The following VWA8 variants were observed in gnomAD, a reference collection of about 807,000 sequenced individuals.
The protein encoded by VWA8 is von Willebrand factor A domain containing 8.
VWA8 carries 221 observed loss-of-function variants against 241.5 expected under a neutral mutation model. The observed-to-expected ratio is 0.91, with a 90% CI of 0.82 to 1.02. The LOEUF (loss-of-function observed/expected upper bound fraction) is 1.02, where lower values mean the gene tolerates loss of function less well. VWA8 is among the 50% of genes least tolerant of loss of function. The probability of loss-of-function intolerance (pLI) is 0.00; values close to 1 mark genes in which losing one functional copy is unlikely to be tolerated. For missense variants in VWA8, 2,322 were observed against 2,328.7 expected, an observed-to-expected ratio of 1.00 and a Z score of 0.06; for synonymous variants, 852 against 827.1, an observed-to-expected ratio of 1.03 and a Z score of -0.52.
At chr13:41,725,432 T>C (rs530253345) in intron 24 of VWA8, among the ~76,000 whole-genome samples, 2 of 152,204 alleles carry the variant, frequency 1.3e-5, no homozygotes, top group Admixed American at 1.3e-4. Context: ...TCGTAGAAAC[T>C]AGCCATGAAT....
rs564927328 is a variant in VWA8 at position 41,583,592 on chromosome 13, G to A, written c.5271+3920C>T. On this transcript the variant is annotated intron_variant, in intron 42 of 44. Coordinates refer to ENST00000379310, the MANE Select transcript of VWA8 (RefSeq NM_015058.2). ...TGGGAGGCGGAGGCTGCAGTGAGCC[G>A]AGATCACGCCACTGCACTCCAGCCT... Among the ~76,000 whole-genome samples, 4 of 144,946 alleles carry A rather than the reference G, an allele frequency of 2.8e-5. No homozygotes were observed. In the East Asian group the frequency reaches 8.1e-4, roughly 29 times the overall value.
chr13:41,921,362 C>G (rs1041153815), intron 2 of VWA8, among the ~76,000 whole-genome samples: 11 of 152,204 alleles, frequency 7.2e-5, no homozygotes, highest in African/African-American at 2.7e-4. Flanking sequence ...GAAGCATTCC[C>G]TTTGAAAACT....
intron 40 of VWA8, among the ~76,000 whole-genome samples, chr13:41,601,131 C>T (rs923740299): frequency 1.3e-5 from 2 of 152,086 alleles, no homozygotes; most frequent in African/African-American, 4.8e-5. Flanking sequence ...ACTTGTGTGT[C>T]CCTCAAGACT....
In VWA8 at chr13:41,778,035, T is replaced by C. The variant is rs78259398; in HGVS notation, c.2299A>G (p.Met767Val). 4.1e-3 allele frequency: 6,574 copies of C among 1,612,278 alleles called. 17 individuals carry two copies. The highest frequency in any genetic ancestry group is 4.7e-3 in the Non-Finnish European group (5,592 of 1,179,356). ...NIQHVIVMED[M>V]LKDFLLGEHL... is the part of the protein sequence containing the mutation. ...TCTCCAAGGAGAAAGTCTTTCAGCATATCTTCCATCACTATCACATGCTAG... is the reference window on the plus strand; with the variant it reads ...TCTCCAAGGAGAAAGTCTTTCAGCACATCTTCCATCACTATCACATGCTAG... Residue 767 changes from methionine to valine, a missense_variant, in exon 20 of 45, where the codon ATG (methionine) becomes GTG (valine). Transcript: ENST00000379310.
At chr13:41,778,832 CT>C (rs71096543) in intron 19 of VWA8, among the ~76,000 whole-genome samples, 11,103 of 82,742 alleles carry the variant, frequency 0.13, 1,126 homozygotes, top group South Asian at 0.32. Flanking sequence ...CAGTACGTCA[CT>C]TTTTTTTTTT....
At chr13:41,715,199 A>G (rs1309870151) in intron 26 of VWA8, among the ~76,000 whole-genome samples, 1 of 151,996 alleles carries the variant, frequency 6.6e-6, no homozygotes, top group Non-Finnish European at 1.5e-5. Context: ...GTACGTAGTT[A>G]TCTATAAATG....
intron 14 of VWA8, among the ~76,000 whole-genome samples, chr13:41,820,808 G>A (rs1378503199): frequency 6.6e-6 from 1 of 152,192 alleles, no homozygotes; most frequent in Non-Finnish European, 1.5e-5. Flanking sequence ...AAGCCAAAGA[G>A]GGAGGTTATT....
intron 14 of VWA8, among the ~76,000 whole-genome samples, chr13:41,825,577 T>C (rs1321555479): frequency 6.6e-6 from 1 of 152,064 alleles, no homozygotes; most frequent in Non-Finnish European, 1.5e-5. Flanking sequence ...GCATCGACCA[T>C]CCCCAGCCTC....
intron 12 of VWA8, among the ~76,000 whole-genome samples, chr13:41,847,422 T>C (rs1182815041): frequency 2.0e-5 from 3 of 152,226 alleles, no homozygotes; most frequent in African/African-American, 7.2e-5. Context: ...TCCAGTCTGA[T>C]GACACAGCCT....
chr13:41,926,190 C>G (rs1593875153), intron 2 of VWA8: 2 of 668,326 alleles, frequency 3.0e-6, no homozygotes, highest in Non-Finnish European at 5.4e-6. Context: ...GAGCATCATT[C>G]CTTATGAGAT....
chr13:41,774,009 G>A (rs373071696), intron 20 of VWA8, among the ~76,000 whole-genome samples: 475 of 152,152 alleles, frequency 3.1e-3, no homozygotes, highest in African/African-American at 9.8e-3. Flanking sequence ...TTAAACAGCT[G>A]CAAGCTCAGA....
intron 17 of VWA8, among the ~76,000 whole-genome samples, chr13:41,801,788 T>C (rs1467665497): frequency 6.6e-6 from 1 of 152,260 alleles, no homozygotes; most frequent in Non-Finnish European, 1.5e-5. Flanking sequence ...ATAAGTGTAA[T>C]AGTGCTAAAG....
chr13:41,677,778 T>TCATCCATCCATCCATC (rs200806052), intron 35 of VWA8, among the ~76,000 whole-genome samples: 15 of 151,934 alleles, frequency 9.9e-5, no homozygotes, highest in African/African-American at 3.1e-4. Context: ...ATTTATCTAT[T>TCATCCATCCATCCATC]CATCCATCCA....
At chr13:41,734,087 C>A (rs1388086981) in intron 21 of VWA8, among the ~76,000 whole-genome samples, 2 of 152,118 alleles carry the variant, frequency 1.3e-5, no homozygotes, top group African/African-American at 4.8e-5. Flanking sequence ...AGCCTGTAAT[C>A]CCGGCACTTT....
rs200741751 is a variant in VWA8 at position 41,825,758 on chromosome 13, C to A, written c.1700+4771G>T. Among the ~76,000 whole-genome samples, 61 of 152,222 alleles carry A rather than the reference C, an allele frequency of 4.0e-4. No homozygotes were observed. The East Asian group carries it at 0.01, about 26-fold the overall frequency. On this transcript the variant is annotated intron_variant, in intron 14 of 44. Transcript: ENST00000379310. Reference sequence around the variant, plus strand: ...ATAATCACTTTGCTAAAATTCAGTTCTGTGATTAAGTACAGAAATGAAAGG... The same window carrying A: ...ATAATCACTTTGCTAAAATTCAGTTATGTGATTAAGTACAGAAATGAAAGG...
intron 4 of VWA8, among the ~76,000 whole-genome samples, chr13:41,905,735 G>A (rs576029153): frequency 2.0e-5 from 3 of 152,004 alleles, no homozygotes; most frequent in East Asian, 1.9e-4. Flanking sequence ...AATGTTAAAC[G>A]TTTTTAGTAA....
At chr13:41,651,324 G>A (rs2044868058) in intron 37 of VWA8, among the ~76,000 whole-genome samples, 1 of 152,212 alleles carries the variant, frequency 6.6e-6, no homozygotes, top group Non-Finnish European at 1.5e-5. Flanking sequence ...GCTTTGGACA[G>A]TATCTCCTTT....
intron 43 of VWA8, among the ~76,000 whole-genome samples, chr13:41,572,500 C>G (rs2044314369): frequency 6.6e-6 from 1 of 152,140 alleles, no homozygotes; most frequent in Admixed American, 6.5e-5. Flanking sequence ...TTACCCCCAA[C>G]CCCATGATCT....
At chr13:41,887,176 A>G (rs759370493) in intron 6 of VWA8, 21 bp downstream of exon 6, 2 of 1,591,572 alleles carry the variant, frequency 1.3e-6, no homozygotes, top group Non-Finnish European at 8.5e-7. Flanking sequence ...TAACAAATAA[A>G]TTATCCTTGG....
Sources: allele counts gnomAD v4.1 joint callset (sites outside exome capture counted in the v4.1 genomes callset), GRCh38; gene constraint gnomAD v4.1.1; transcripts MANE v1.5; gene names NCBI Gene and HGNC (gene_info 2026-07-23, HGNC 2026-07-21).